STYK1: variants seen among roughly 807,000 people sequenced by gnomAD.
STYK1 encodes the protein STY kinase 1.
A neutral mutation model predicts 48.1 loss-of-function variants in STYK1; 46 were observed. The ratio of observed to expected loss-of-function variants is 0.96; its 90% CI spans 0.75 to 1.22. The LOEUF is 1.22. Among genes scored for constraint, STYK1 ranks in the 50% most tolerant of loss-of-function variants. The pLI, the probability that STYK1 is intolerant of heterozygous loss-of-function variation, is 0.00. For missense variants in STYK1, 527 were observed against 521.1 expected (o/e 1.01, Z -0.11); for synonymous variants, 188 against 189.0 (o/e 0.99, Z 0.04).
At chr12:10,620,639 T>C (rs1865892993) in intron 10 of STYK1, among the ~76,000 whole-genome samples, 1 of 152,226 alleles carries the variant, frequency 6.6e-6, no homozygotes, top group African/African-American at 2.4e-5. Flanking sequence ...TGCTGTAACG[T>C]TGTAAGCATT....
intron 1 of STYK1, among the ~76,000 whole-genome samples, chr12:10,641,036 GA>G (rs1947537689): frequency 6.6e-6 from 1 of 152,076 alleles, no homozygotes; most frequent in South Asian, 2.1e-4. Context: ...CAGTTTCAAA[GA>G]AAAGCCCAGA....
At chr12:10,663,846 C>T (rs1565574930) in intron 1 of STYK1, among the ~76,000 whole-genome samples, 1 of 151,830 alleles carries the variant, frequency 6.6e-6, no homozygotes, top group East Asian at 1.9e-4. Flanking sequence ...GTTAAGAAAA[C>T]TATATGTCTT....
intron 1 of STYK1, among the ~76,000 whole-genome samples, chr12:10,658,979 C>G (rs181233788): frequency 5.3e-4 from 80 of 152,170 alleles, no homozygotes; most frequent in African/African-American, 1.9e-3. Flanking sequence ...TTAAAGGTGC[C>G]TTATAGTCAG....
At chr12:10,630,308 C>A (rs1343386109) in intron 5 of STYK1, among the ~76,000 whole-genome samples, 4 of 144,596 alleles carry the variant, frequency 2.8e-5, no homozygotes, top group African/African-American at 7.6e-5. Flanking sequence ...ATCACTTAAA[C>A]CTGGGAGGCG....
chr12:10,665,683 A>G lies in STYK1; in HGVS notation c.-195+8283T>C, dbSNP rs553287390. On this transcript the variant is annotated intron_variant, in intron 1 of 10. Coordinates refer to ENST00000075503, the MANE Select transcript of STYK1 (RefSeq NM_018423.3). ...ACATGTGTCCAGACTAGCCTCTGCC[A>G]ATCTCTACCAGATACATGAAGGCTA... Among the ~76,000 whole-genome samples, 53 of 152,348 alleles carry G rather than the reference A, an allele frequency of 3.5e-4. 2 individuals are homozygous for G. In the South Asian group the frequency reaches 0.011, roughly 32 times the overall value.
chr12:10,629,581 C>G lies in STYK1; in HGVS notation c.545G>C (p.Gly182Ala). ...GKHKNLVQLE[G>A]CCTEKLPLYM... ...GAGTGGCAGCTTTTCAGTGCAGCAGCCTTCCAGCTGCACCAGGTTTTTGTG... is the reference window on the plus strand; with the variant it reads ...GAGTGGCAGCTTTTCAGTGCAGCAGGCTTCCAGCTGCACCAGGTTTTTGTG... The change falls in exon 6 of 11, where the codon GGC (glycine) becomes GCC (alanine). Residue 182 changes from glycine (G) to alanine (A), a missense_variant. Gly to Ala is a moderately conservative substitution (Grantham distance 60). Transcript: ENST00000075503. 1 of 1,614,200 alleles carries G rather than the reference C, an allele frequency of 6.2e-7. No homozygotes were observed. Among genetic ancestry groups the G allele is most frequent in the African/African-American group, 1.3e-5 (1 of 75,052 alleles).
chr12:10,645,473 C>A (rs1350962885), intron 1 of STYK1, among the ~76,000 whole-genome samples: 1 of 151,452 alleles, frequency 6.6e-6, no homozygotes, highest in Non-Finnish European at 1.5e-5. Context: ...CTAAAAAAAA[C>A]AAAGCAAAGT....
intron 1 of STYK1, among the ~76,000 whole-genome samples, chr12:10,659,927 GT>G (rs1323212680): frequency 6.6e-6 from 1 of 152,034 alleles, no homozygotes; most frequent in African/African-American, 2.4e-5. Context: ...TCAGTTTTTA[GT>G]TTTTTTCTGC....
chr12:10,619,977 G>T lies in STYK1; in HGVS notation c.*167C>A. ...TATGTCTTAGCTCAGGATGTGTAGA[G>T]TCCCATCCAGCATCATTTCAGATTT... On this transcript the variant is annotated 3_prime_UTR_variant, in exon 11 of 11. Coordinates refer to ENST00000075503, the MANE Select transcript of STYK1 (RefSeq NM_018423.3). 1 of 733,316 alleles carries T rather than the reference G, an allele frequency of 1.4e-6. No homozygotes were observed. The highest frequency in any genetic ancestry group is 2.3e-6 in the Non-Finnish European group (1 of 437,306). The allele number at this position is 733,316 out of a possible 1,614,324, so 45.4% of individuals were successfully genotyped here.
At chr12:10,670,901 G>C (rs1009989920) in intron 1 of STYK1, among the ~76,000 whole-genome samples, 2 of 147,074 alleles carry the variant, frequency 1.4e-5, no homozygotes, top group African/African-American at 5.0e-5. Flanking sequence ...TAAAAATAAA[G>C]AATACCCAGT....
At chr12:10,669,768 A>G (rs112074439) in intron 1 of STYK1, among the ~76,000 whole-genome samples, 1,896 of 152,324 alleles carry the variant, frequency 0.012, 9 homozygotes, top group African/African-American at 0.029. Context: ...ATACATAGGG[A>G]ACTAAAACAA....
chr12:10,660,747 G>A (rs1047095347), intron 1 of STYK1, among the ~76,000 whole-genome samples: 14 of 152,198 alleles, frequency 9.2e-5, no homozygotes, highest in East Asian at 7.7e-4. Context: ...ATGTATTAGC[G>A]TGCTAAGAGA....
intron 1 of STYK1, among the ~76,000 whole-genome samples, chr12:10,660,097 A>G (rs530060923): frequency 5.3e-5 from 8 of 152,348 alleles, no homozygotes; most frequent in Admixed American, 5.2e-4. Flanking sequence ...TCTTGGTTCT[A>G]ACAGTTGCCC....
chr12:10,640,347 A>G (rs886600867), intron 1 of STYK1, among the ~76,000 whole-genome samples: 4 of 152,194 alleles, frequency 2.6e-5, no homozygotes, highest in Non-Finnish European at 4.4e-5. Context: ...GGAAGGGCAC[A>G]CTGGAGAGGT....
intron 1 of STYK1, among the ~76,000 whole-genome samples, chr12:10,659,324 G>GTGAGTA (rs1947751335): frequency 6.6e-6 from 1 of 152,158 alleles, no homozygotes; most frequent in African/African-American, 2.4e-5. Context: ...GAAACTATTT[G>GTGAGTA]TGAGTATGCT....
At chr12:10,659,460 A>G (rs1947752661) in intron 1 of STYK1, among the ~76,000 whole-genome samples, 2 of 152,160 alleles carry the variant, frequency 1.3e-5, no homozygotes, top group Non-Finnish European at 2.9e-5. Context: ...TCCTTTGAGG[A>G]ATCAAACTTG....
At chr12:10,629,735 A>G (rs1947401654) in intron 5 of STYK1, 61 bp from the exon 6 acceptor site, 2 of 1,589,026 alleles carry the variant, frequency 1.3e-6, no homozygotes, top group Non-Finnish European at 8.6e-7. Flanking sequence ...AGTGGGAGGC[A>G]GGGAGCAGGA....
rs962963973 is a variant in STYK1, at chr12:10,619,788, A to T, written c.*356T>A. The T allele has an allele frequency of 1.0e-5, 4 of 398,622 alleles. No individual in the cohort carries two copies. Among genetic ancestry groups the T allele is most frequent in the Admixed American group, 4.2e-5 (1 of 23,720 alleles). The allele number at this position is 398,622 out of a possible 1,614,324, so 24.7% of individuals were successfully genotyped here. A position where few individuals can be genotyped will look rare whatever the true frequency, so the allele number is the denominator to read the frequency against. On this transcript the variant is annotated 3_prime_UTR_variant, in exon 11 of 11. Transcript: ENST00000075503. Reference sequence around the variant, plus strand: ...TTCATTTCATTCCAAATTTTCATCTAGATAAAAATGTGGTTCCAGAGGAAA... The same window carrying T: ...TTCATTTCATTCCAAATTTTCATCTTGATAAAAATGTGGTTCCAGAGGAAA...
chr12:10,648,227 C>G (rs1947622189), intron 1 of STYK1, among the ~76,000 whole-genome samples: 1 of 151,666 alleles, frequency 6.6e-6, no homozygotes, highest in East Asian at 1.9e-4. Flanking sequence ...CACCTGTACA[C>G]AAAATAAATT....
Sources: allele counts gnomAD v4.1 joint callset (sites outside exome capture counted in the v4.1 genomes callset), GRCh38; gene constraint gnomAD v4.1.1; transcripts MANE v1.5; gene names NCBI Gene and HGNC (gene_info 2026-07-23, HGNC 2026-07-21).